Variants in ATAD2B observed in about 807,000 individuals in gnomAD.
ATAD2B encodes ATPase family AAA domain containing 2B, also known as ATPase family AAA domain-containing protein 2B.
Under a neutral mutation model 167.6 loss-of-function variants are expected in ATAD2B, and 40 were observed. The observed-to-expected ratio is 0.24, with a 90% CI of 0.19 to 0.31. ATAD2B has a LOEUF of 0.31. ATAD2B is among the 10% of genes least tolerant of loss of function. The pLI, the probability that ATAD2B is intolerant of heterozygous loss-of-function variation, is 1.00. For synonymous variants in ATAD2B, 579 were observed against 596.5 expected (o/e 0.97, Z 0.43); for missense variants, 1,242 against 1,757.2 (o/e 0.71, Z 5.24).
chr2:23,725,264 GA>G, the ATAD2B span, among the ~76,000 whole-genome samples: 2 of 152,098 alleles, frequency 1.3e-5, no homozygotes, highest in East Asian at 3.9e-4. Flanking sequence ...TCAAATGAAG[GA>G]AAACTAAGAA....
intron 1 of ATAD2B, among the ~76,000 whole-genome samples, chr2:23,920,683 G>A (rs931399021): frequency 1.4e-4 from 21 of 151,750 alleles, no homozygotes; most frequent in Admixed American, 5.9e-4. Flanking sequence ...CCTACCTCCA[G>A]ATAAAACTAC....
intron 24 of ATAD2B, 111 bp downstream of exon 24, chr2:23,762,098 T>C: frequency 1.8e-6 from 2 of 1,110,572 alleles, no homozygotes; most frequent in Non-Finnish European, 1.2e-6. Context: ...TGAAAAGAGA[T>C]TAAAAGAGCT....
In ATAD2B at chr2:23,858,222, C is replaced by A. The variant is rs6742839; in HGVS notation, c.1480-719G>T. Among the ~76,000 whole-genome samples the A allele has an allele frequency of 1.3e-3, 192 of 151,750 alleles. 3 individuals are homozygous for A. The highest frequency in any genetic ancestry group is 3.7e-4 in the Non-Finnish European group (25 of 67,922). On this transcript the variant is annotated intron_variant, in intron 12 of 27. Coordinates refer to ENST00000238789, the MANE Select transcript of ATAD2B (RefSeq NM_017552.4). ...TGCAACCTCCGCCTCCCGGGTTCAA[C>A]TGATTCTCCTGCCTCAGCCTCCCGA...
At chr2:23,735,050 T>C in the ATAD2B span, among the ~76,000 whole-genome samples, 1 of 152,214 alleles carries the variant, frequency 6.6e-6, no homozygotes, top group Non-Finnish European at 1.5e-5. Context: ...AATTAATATT[T>C]CTAAAATTCT....
chr2:23,777,260 G>A (rs1280351947), intron 22 of ATAD2B, among the ~76,000 whole-genome samples: 1 of 152,148 alleles, frequency 6.6e-6, no homozygotes, highest in Non-Finnish European at 1.5e-5. Context: ...TGTTATGGTA[G>A]CACTAGTAAA....
At chr2:23,754,128 A>G in intron 27 of ATAD2B, 51 bp downstream of exon 27, 1 of 1,406,576 alleles carries the variant, frequency 7.1e-7, no homozygotes, top group Non-Finnish European at 9.4e-7. Context: ...TTTTCTTTGG[A>G]ACAAGTAAAA....
the ATAD2B span, among the ~76,000 whole-genome samples, chr2:23,687,725 G>A: frequency 3.3e-5 from 5 of 152,308 alleles, no homozygotes; most frequent in South Asian, 6.2e-4. Flanking sequence ...TGTCCGGGCA[G>A]ACAAGTGGGG....
rs552239147 is a variant in ATAD2B at position 23,855,642 on chromosome 2, G to A, written c.1568+1773C>T. Among the ~76,000 whole-genome samples, 164 of 152,314 alleles carry A rather than the reference G, an allele frequency of 1.1e-3. 4 individuals carry two copies. In the South Asian group the frequency reaches 0.028, roughly 26 times the overall value. ...TGTCCACACAAAAACTTGTAGAGAC[G>A]CTTTGAGAGGCCAAGATGGAGGGCT... On this transcript the variant is annotated intron_variant, in intron 13 of 27. Transcript: ENST00000238789.
At chr2:23,700,635 C>T in the ATAD2B span, among the ~76,000 whole-genome samples, 1 of 152,350 alleles carries the variant, frequency 6.6e-6, no homozygotes, top group Non-Finnish European at 1.5e-5. The surrounding 1 kb of genome is among the most constrained non-coding windows in gnomAD (Gnocchi z 4.6). Context: ...TTCCATTGAC[C>T]CCTCTCAGCT....
At chr2:23,823,776 A>C (rs1339555999) in intron 15 of ATAD2B, among the ~76,000 whole-genome samples, 3 of 119,484 alleles carry the variant, frequency 2.5e-5, no homozygotes, top group African/African-American at 9.9e-5. Context: ...CATTAAGATT[A>C]AAAATGTTTT....
intron 19 of ATAD2B, among the ~76,000 whole-genome samples, chr2:23,789,028 C>T (rs1293391354): frequency 6.6e-6 from 1 of 152,030 alleles, no homozygotes; most frequent in East Asian, 1.9e-4. Flanking sequence ...ACATTGCCAT[C>T]TCTTATCCTC....
chr2:23,812,226 A>G (rs1685707476), intron 17 of ATAD2B, among the ~76,000 whole-genome samples: 1 of 152,040 alleles, frequency 6.6e-6, no homozygotes, highest in African/African-American at 2.4e-5. Flanking sequence ...AAGTAACAAG[A>G]CAGAAGAAAT....
intron 8 of ATAD2B, 148 bp from the exon 9 acceptor site, chr2:23,869,909 T>A: frequency 1.7e-6 from 1 of 580,586 alleles, no homozygotes; most frequent in Non-Finnish European, 3.0e-6. Context: ...ACATGAAGTA[T>A]AAAGGTAGCA....
At chr2:23,737,928 A>C in the ATAD2B span, among the ~76,000 whole-genome samples, 26 of 152,292 alleles carry the variant, frequency 1.7e-4, no homozygotes, top group African/African-American at 6.0e-4. Context: ...CCGATGCGAT[A>C]AACTGGAAGA....
chr2:23,756,594 C>G (rs1301076482), intron 25 of ATAD2B, among the ~76,000 whole-genome samples: 1 of 152,112 alleles, frequency 6.6e-6, no homozygotes, highest in Non-Finnish European at 1.5e-5. Flanking sequence ...TAAAGACAGG[C>G]TAGAAACCCT....
chr2:23,909,215 T>C (rs1057085612), intron 1 of ATAD2B, among the ~76,000 whole-genome samples: 2 of 149,966 alleles, frequency 1.3e-5, no homozygotes, highest in African/African-American at 4.9e-5. Flanking sequence ...AAAAATGAAA[T>C]AAGCCAGATG....
At chr2:23,707,642 C>T in the ATAD2B span, 1 of 152,208 alleles carries the variant, frequency 6.6e-6, no homozygotes, top group African/African-American at 2.4e-5. Context: ...GGTTCTGGCT[C>T]AGGACACCGG....
chr2:23,872,926 A>C (rs931460086), intron 8 of ATAD2B: 4 of 766,406 alleles, frequency 5.2e-6, no homozygotes, highest in African/African-American at 3.4e-5. Context: ...CGCCGGGCTC[A>C]CATTGGCATT....
intron 13 of ATAD2B, among the ~76,000 whole-genome samples, chr2:23,843,033 A>G (rs1691171827): frequency 6.6e-6 from 1 of 152,244 alleles, no homozygotes. Context: ...AAGTGGGTCT[A>G]ACATGAGATA....
Sources: allele counts gnomAD v4.1 joint callset (sites outside exome capture counted in the v4.1 genomes callset), GRCh38; gene constraint gnomAD v4.1.1; non-coding constraint Gnocchi (gnomAD v3.1); transcripts MANE v1.5; gene names NCBI Gene and HGNC (gene_info 2026-07-23, HGNC 2026-07-21).